Variants in FAT1 observed in about 807,000 individuals in gnomAD.
FAT1 encodes FAT atypical cadherin 1.
A neutral mutation model predicts 329.8 loss-of-function variants in FAT1; 171 were observed. The observed-to-expected ratio is 0.52, with a 90% CI of 0.46 to 0.59. The LOEUF (loss-of-function observed/expected upper bound fraction) is 0.59. Ranked by LOEUF, FAT1 falls within the 20% of genes least tolerant of loss-of-function variation. The pLI, the probability that FAT1 is intolerant of heterozygous loss-of-function variation, is 0.00. For synonymous variants in FAT1, 2,233 were observed against 2,228.6 expected (o/e 1.00, Z -0.06); for missense variants, 5,672 against 5,774.4 (o/e 0.98, Z 0.57).
At chr4:186,602,401 ATTTC>A (rs1048799052) in intron 20 of FAT1, among the ~76,000 whole-genome samples, 3 of 152,368 alleles carry the variant, frequency 2.0e-5, no homozygotes, top group East Asian at 3.9e-4. Flanking sequence ...ATGTATAAAG[ATTTC>A]TTTATCTGAA....
chr4:186,603,790 G>C lies in FAT1; in HGVS notation c.10736C>G (p.Thr3579Ser). 6.2e-7 allele frequency: 1 copy of C among 1,613,934 alleles called. No individual in the cohort carries two copies. The highest frequency in any genetic ancestry group is 8.5e-7 in the Non-Finnish European group (1 of 1,179,884). The change falls in exon 19 of 27, where the codon ACC (threonine) becomes AGC (serine). Residue 3579 changes from threonine to serine, a missense_variant. Coordinates refer to ENST00000441802, the MANE Select transcript of FAT1 (RefSeq NM_005245.4). ...GTCCATCTGAGGGTCGAGACTGTAG[G>C]TTAGAGTATCATACACGTCCTGGTC... ...ATDQDVYDTL[T>S]YSLDPQMDNL...
chr4:186,705,447 T>C (rs974444249), intron 2 of FAT1, among the ~76,000 whole-genome samples: 3 of 152,162 alleles, frequency 2.0e-5, no homozygotes, highest in African/African-American at 4.8e-5. Flanking sequence ...TGGGTGAGAT[T>C]AGTAAACAAA....
At position 186,628,603 on chromosome 4, in the gene FAT1, C is replaced by T. The variant is rs1459754143; in HGVS notation, c.4484G>A (p.Ser1495Asn). The change falls in exon 8 of 27, where the codon AGC (serine) becomes AAC (asparagine). Residue 1495 changes from serine to asparagine, a missense_variant. By Grantham distance (46) the Ser-to-Asn change is conservative (BLOSUM62 1). Coordinates refer to ENST00000441802, the MANE Select transcript of FAT1 (RefSeq NM_005245.4). The stretch of plus-strand genomic sequence containing the variant: ...CTTGAGACTCAGTGGATCTCTACTG[C>T]TCTGCAGAGTGTAGATTAGTTTGTT... ...EKNKLIYTLQSSRDPLSLKKF... is the reference protein window; with the variant it reads ...EKNKLIYTLQNSRDPLSLKKF... 2 of 1,613,970 alleles carry T rather than the reference C, an allele frequency of 1.2e-6. No homozygotes were observed. Among genetic ancestry groups the T allele is most frequent in the Non-Finnish European group, 1.7e-6 (2 of 1,179,880 alleles).
chr4:186,688,643 T>TC (rs1743595871), intron 2 of FAT1, among the ~76,000 whole-genome samples: 1 of 55,600 alleles, frequency 1.8e-5, no homozygotes, highest in East Asian at 2.7e-4. Context: ...CCAGCAAGAG[T>TC]ACCCCCCCCG....
At chr4:186,627,032 A>C (rs1171117054) in intron 9 of FAT1, among the ~76,000 whole-genome samples, 1 of 79,866 alleles carries the variant, frequency 1.3e-5, no homozygotes, top group South Asian at 3.6e-4. Flanking sequence ...GAATGAATGA[A>C]TGAGGGACCA....
At chr4:186,598,287 T>G (rs1738635968) in intron 22 of FAT1, among the ~76,000 whole-genome samples, 162 bp from the exon 23 acceptor site, 1 of 152,224 alleles carries the variant, frequency 6.6e-6, no homozygotes, top group African/African-American at 2.4e-5. Flanking sequence ...AGCCTTCCAC[T>G]GCTGGTATAA....
At chr4:186,712,211 G>A (rs191608424) in intron 1 of FAT1, among the ~76,000 whole-genome samples, 2 of 152,202 alleles carry the variant, frequency 1.3e-5, no homozygotes, top group African/African-American at 2.4e-5. Flanking sequence ...AGAGGAGAAG[G>A]GGGGTAGATA....
rs542583214 is a variant in FAT1 at position 186,636,022 on chromosome 4, T to C, written c.4183+3A>G. 1 of 1,613,788 alleles carries C rather than the reference T, an allele frequency of 6.2e-7. No individual in the cohort carries two copies. Among genetic ancestry groups the C allele is most frequent in the South Asian group, 1.1e-5 (1 of 91,060 alleles). On this transcript the variant is annotated splice_donor_region_variant and intron_variant, in intron 6 of 26. Transcript: ENST00000441802. ...GACAACGAAAATGAGGGGGAATGCT[T>C]ACCAGTGATGTCAAACCAAAGGGGT...
In FAT1 at chr4:186,595,739, G is replaced by C. The variant is rs1249870764; in HGVS notation, c.13088C>G (p.Ser4363Cys). 1 of 1,613,860 alleles carries C rather than the reference G, an allele frequency of 6.2e-7. No individual in the cohort carries two copies. The highest frequency in any genetic ancestry group is 1.3e-5 in the African/African-American group (1 of 74,910). ...GAAGGAGCTCAGAGACTGCACTTCA[G>C]ACAGGCTTTCCCGGGCACTGTATGG... is the stretch of plus-strand genomic sequence containing the variant. ...SQPYSARESL[S>C]EVQSLSSFQS... Residue 4363 changes from serine (S) to cysteine (C), a missense_variant, in exon 26 of 27, where the codon TCT becomes TGT. Ser to Cys is a moderately radical substitution (Grantham distance 112). Coordinates refer to ENST00000441802, the MANE Select transcript of FAT1 (RefSeq NM_005245.4).
At chr4:186,667,909 G>T (rs1742531390) in intron 2 of FAT1, among the ~76,000 whole-genome samples, 1 of 152,214 alleles carries the variant, frequency 6.6e-6, no homozygotes, top group African/African-American at 2.4e-5. Flanking sequence ...CCACTGAGCG[G>T]TGGGCTGTTG....
intron 1 of FAT1, among the ~76,000 whole-genome samples, chr4:186,710,673 G>C (rs1326388270): frequency 2.0e-5 from 3 of 152,090 alleles, no homozygotes; most frequent in Non-Finnish European, 4.4e-5. Context: ...TCAACAACCA[G>C]TTGTTCACAG....
chr4:186,635,874 A>T, intron 6 of FAT1, 151 bp downstream of exon 6: 6 of 664,590 alleles, frequency 9.0e-6, no homozygotes, highest in East Asian at 2.7e-5. Flanking sequence ...AAAATTTTGC[A>T]ATCAAAATAT....
At chr4:186,683,790 T>C (rs1038042288) in intron 2 of FAT1, among the ~76,000 whole-genome samples, 11 of 152,092 alleles carry the variant, frequency 7.2e-5, no homozygotes, top group African/African-American at 2.7e-4. Flanking sequence ...TTCATTCTGC[T>C]CCCTCTGGAG....
At position 186,606,930 on chromosome 4, in the gene FAT1, G is replaced by A. The variant is rs560263555; in HGVS notation, c.10207-717C>T. ...GCTCCAATGAAAAAGAATTCTGCTG[G>A]CGCATTAGCTTGGGAAATACCACAG... On this transcript the variant is annotated intron_variant, in intron 16 of 26. Coordinates refer to ENST00000441802, the MANE Select transcript of FAT1 (RefSeq NM_005245.4). Among the ~76,000 whole-genome samples, 8 of 152,328 alleles carry A rather than the reference G, an allele frequency of 5.3e-5. No individual in the cohort carries two copies. In the South Asian group the frequency reaches 8.3e-4, roughly 16 times the overall value.
Position 186,613,110 on chromosome 4 carries a change from T to C in FAT1, c.9462A>G (p.Ala3154=), listed in dbSNP as rs2126474078. 6.2e-7 allele frequency: 1 copy of C among 1,602,262 alleles called. No homozygotes were observed. Among genetic ancestry groups the C allele is most frequent in the Non-Finnish European group, 8.5e-7 (1 of 1,174,082 alleles). Residue 3154 remains alanine (A), a splice_region_variant and synonymous_variant, in exon 13 of 27, where the codon GCA becomes GCG. Transcript: ENST00000441802. ...GGCAAGAGCATTCCCGGGAGATACCTGCGTCGGCATCTGTGGCCTGCACTC... is the reference window on the plus strand; with the variant it reads ...GGCAAGAGCATTCCCGGGAGATACCCGCGTCGGCATCTGTGGCCTGCACTC... ...LTRVQATDAD[A]GLNRKILYSL... is the part of the protein sequence containing the mutation.
intron 1 of FAT1, among the ~76,000 whole-genome samples, chr4:186,713,687 GCT>G (rs1745075249): frequency 1.3e-5 from 2 of 151,646 alleles, no homozygotes; most frequent in Non-Finnish European, 2.9e-5. Flanking sequence ...ACAGAGTCTC[GCT>G]CTCTCACCCA....
At chr4:186,701,102 G>T (rs1235544550) in intron 2 of FAT1, among the ~76,000 whole-genome samples, 2 of 152,152 alleles carry the variant, frequency 1.3e-5, no homozygotes, top group South Asian at 4.1e-4. Context: ...AGTCAGTAAC[G>T]CATCAACGTG....
intron 2 of FAT1, among the ~76,000 whole-genome samples, chr4:186,704,615 T>C (rs1180089172): frequency 6.6e-6 from 1 of 152,234 alleles, no homozygotes; most frequent in Non-Finnish European, 1.5e-5. Flanking sequence ...TAGGAATAAC[T>C]GTTCTTCAAA....
rs369003377 is a variant in FAT1 at position 186,603,980 on chromosome 4, A to G, written c.10549-3T>C. On this transcript the variant is annotated splice_polypyrimidine_tract_variant and splice_region_variant and intron_variant, in intron 18 of 26. Coordinates refer to ENST00000441802, the MANE Select transcript of FAT1 (RefSeq NM_005245.4). ...TGAGGCTTTCCATTATCTGCCACCT[A>G]CAAGAAAAGAAAAATAAAATCACCT... 1 of 1,600,742 alleles carries G rather than the reference A, an allele frequency of 6.2e-7. No homozygotes were observed. Among genetic ancestry groups the G allele is most frequent in the Non-Finnish European group, 8.5e-7 (1 of 1,169,792 alleles).
Sources: allele counts gnomAD v4.1 joint callset (sites outside exome capture counted in the v4.1 genomes callset), GRCh38; gene constraint gnomAD v4.1.1; transcripts MANE v1.5; gene names NCBI Gene and HGNC (gene_info 2026-07-23, HGNC 2026-07-21).